The following TMEM178B variants were observed in gnomAD, a reference collection of about 807,000 sequenced individuals.
The protein encoded by TMEM178B is transmembrane protein 178B.
A neutral mutation model predicts 31.0 loss-of-function variants in TMEM178B; 5 were observed. That is an observed-to-expected ratio of 0.16 (90% CI 0.08 to 0.34). The LOEUF (loss-of-function observed/expected upper bound fraction) is 0.34, where lower values mean the gene tolerates loss of function less well. Among genes scored for constraint, TMEM178B ranks in the 10% least tolerant of loss-of-function variants. TMEM178B has a pLI of 1.00. For missense variants in TMEM178B, 275 were observed against 400.3 expected (o/e 0.69, Z 2.67); for synonymous variants, 164 against 164.0 (o/e 1.00, Z 0.00).
intron 2 of TMEM178B, among the ~76,000 whole-genome samples, chr7:141,267,818 CATCATATA>C (rs753045228): frequency 2.0e-4 from 30 of 152,232 alleles, no homozygotes; most frequent in Non-Finnish European, 3.1e-4. Flanking sequence ...CTCTACTCCT[CATCATATA>C]ATTGGGGGAT....
chr7:141,511,201 T>C, the TMEM178B span, among the ~76,000 whole-genome samples: 2 of 150,734 alleles, frequency 1.3e-5, no homozygotes, highest in African/African-American at 4.9e-5. Flanking sequence ...AAACCTTCAA[T>C]TGAGGTGGCT....
At chr7:141,298,534 T>C (rs905831478) in intron 2 of TMEM178B, among the ~76,000 whole-genome samples, 1 of 152,152 alleles carries the variant, frequency 6.6e-6, no homozygotes, top group African/African-American at 2.4e-5. Context: ...CAGACCAACA[T>C]TGGGTAGAAT....
chr7:141,363,954 A>G (rs1462659296), intron 2 of TMEM178B, among the ~76,000 whole-genome samples: 2 of 151,538 alleles, frequency 1.3e-5, no homozygotes, highest in Admixed American at 6.6e-5. Context: ...AATAAAAAAT[A>G]AAAATATTAA....
At chr7:141,455,236 T>C (rs1413636635) in intron 3 of TMEM178B, among the ~76,000 whole-genome samples, 2 of 152,180 alleles carry the variant, frequency 1.3e-5, no homozygotes, top group East Asian at 3.8e-4. Context: ...ACAAATAATG[T>C]GTGAAGTTGT....
At chr7:141,130,717 G>C (rs982910345) in intron 1 of TMEM178B, among the ~76,000 whole-genome samples, 1 of 152,038 alleles carries the variant, frequency 6.6e-6, no homozygotes, top group Non-Finnish European at 1.5e-5. Context: ...AAATAATAAT[G>C]ATAATAATAA....
At chr7:141,236,021 T>C (rs952663936) in intron 2 of TMEM178B, among the ~76,000 whole-genome samples, 1 of 152,194 alleles carries the variant, frequency 6.6e-6, no homozygotes, top group African/African-American at 2.4e-5. Context: ...GGGATTTTCT[T>C]CTCTCTGCTG....
intron 2 of TMEM178B, among the ~76,000 whole-genome samples, chr7:141,274,533 G>A (rs955083889): frequency 2.0e-5 from 3 of 152,192 alleles, no homozygotes; most frequent in Non-Finnish European, 4.4e-5. Context: ...GGAATCCAAA[G>A]AAGGCCCACC....
At chr7:141,403,702 A>G (rs1435736231) in intron 2 of TMEM178B, among the ~76,000 whole-genome samples, 1 of 152,246 alleles carries the variant, frequency 6.6e-6, no homozygotes, top group African/African-American at 2.4e-5. Flanking sequence ...TGCCTGGTAC[A>G]TGGTCCCCCT....
In TMEM178B at chr7:141,125,132, A is replaced by G. The variant is rs149148481; in HGVS notation, c.382+50440A>G. Among the ~76,000 whole-genome samples, 58 of 152,346 alleles carry G rather than the reference A, an allele frequency of 3.8e-4. No individual in the cohort carries two copies. The East Asian group carries it at 0.01, about 27-fold the overall frequency. ...ATGTCTGTGTTTGAATTAGCAGACA[A>G]TCTCTCTCCTATCTCAACCTCAGTT... On this transcript the variant is annotated intron_variant, in intron 1 of 3. Transcript: ENST00000565468.
chr7:141,452,920 A>G (rs1465298614), intron 3 of TMEM178B, among the ~76,000 whole-genome samples: 1 of 152,196 alleles, frequency 6.6e-6, no homozygotes, highest in Non-Finnish European at 1.5e-5. Flanking sequence ...CTGGGGTTGA[A>G]TGTCAGACAC....
At chr7:141,381,532 G>C (rs757964582) in intron 2 of TMEM178B, among the ~76,000 whole-genome samples, 4 of 151,966 alleles carry the variant, frequency 2.6e-5, no homozygotes, top group Non-Finnish European at 4.4e-5. Flanking sequence ...TTCAAAAGTC[G>C]AGTCCTATTT....
intron 2 of TMEM178B, among the ~76,000 whole-genome samples, chr7:141,244,333 A>T (rs1038862344): frequency 6.6e-6 from 1 of 152,262 alleles, no homozygotes; most frequent in African/African-American, 2.4e-5. Context: ...AAATAAATGC[A>T]TCAGACATTC....
At chr7:141,258,703 A>C (rs1196393602) in intron 2 of TMEM178B, among the ~76,000 whole-genome samples, 1 of 152,112 alleles carries the variant, frequency 6.6e-6, no homozygotes, top group East Asian at 1.9e-4. Context: ...TACATTTTTG[A>C]AGCATCAGTT....
intron 1 of TMEM178B, among the ~76,000 whole-genome samples, chr7:141,102,776 T>C (rs1795080140): frequency 6.6e-6 from 1 of 152,222 alleles, no homozygotes; most frequent in East Asian, 1.9e-4. Context: ...CCCTCTCTTA[T>C]ATTTGCACAG....
intron 2 of TMEM178B, among the ~76,000 whole-genome samples, chr7:141,302,097 C>A (rs1470576093): frequency 6.6e-6 from 1 of 152,086 alleles, no homozygotes; most frequent in African/African-American, 2.4e-5. Flanking sequence ...TACTAAATGC[C>A]ACTGAACTGT....
chr7:141,146,783 C>T (rs1476041099), intron 1 of TMEM178B, among the ~76,000 whole-genome samples: 3 of 152,146 alleles, frequency 2.0e-5, no homozygotes, highest in Non-Finnish European at 4.4e-5. Context: ...CTCCCATTTA[C>T]CCATAATCCT....
chr7:141,314,069 G>A (rs753417446), intron 2 of TMEM178B, among the ~76,000 whole-genome samples: 1 of 152,156 alleles, frequency 6.6e-6, no homozygotes, highest in African/African-American at 2.4e-5. Flanking sequence ...CCTCTGCCTC[G>A]GCTGAGTATC....
At chr7:141,356,419 G>T (rs1279105841) in intron 2 of TMEM178B, among the ~76,000 whole-genome samples, 1 of 151,450 alleles carries the variant, frequency 6.6e-6, no homozygotes, top group Non-Finnish European at 1.5e-5. Flanking sequence ...CATTCTGGTT[G>T]GTGTGAGATG....
At chr7:141,505,269 T>G in the TMEM178B span, among the ~76,000 whole-genome samples, 1 of 152,240 alleles carries the variant, frequency 6.6e-6, no homozygotes, top group Admixed American at 6.5e-5. Context: ...CTAAAAAGCA[T>G]CCACCACTGT....
Sources: gnomAD v4.1 joint callset for allele counts (sites outside exome capture counted in the v4.1 genomes callset) on GRCh38, gnomAD v4.1.1 for gene constraint, MANE v1.5 for transcripts, NCBI Gene and HGNC (gene_info 2026-07-23, HGNC 2026-07-21) for gene names.